Variants in PRUNE2 observed in about 807,000 individuals in gnomAD.
The protein encoded by PRUNE2 is protein prune homolog 2.
A neutral mutation model predicts 252.0 loss-of-function variants in PRUNE2; 164 were observed. That is an observed-to-expected ratio of 0.65 (90% CI 0.57 to 0.74). PRUNE2 has a LOEUF of 0.74. Ranked by LOEUF, PRUNE2 falls within the 30% of genes least tolerant of loss-of-function variation. PRUNE2 has a pLI of 0.00. For synonymous variants in PRUNE2, 1,292 were observed against 1,350.2 expected, an observed-to-expected ratio of 0.96 and a Z score of 0.94; for missense variants, 3,495 against 3,711.0, an observed-to-expected ratio of 0.94 and a Z score of 1.51.
chr9:76,836,197 C>A (rs1245358159), intron 4 of PRUNE2, among the ~76,000 whole-genome samples: 1 of 151,518 alleles, frequency 6.6e-6, no homozygotes, highest in Non-Finnish European at 1.5e-5. Flanking sequence ...AGTCCTCTAG[C>A]ACACATCTCT....
In PRUNE2 at chr9:76,652,547, A is replaced by G; in HGVS notation, c.8493T>C (p.Ile2831=). The change falls in exon 11 of 19, where the codon ATT becomes ATC. Residue 2831 remains isoleucine, a synonymous_variant. Transcript: ENST00000376718. ...SDDNLDSPDE[I]DINVDELDTP... ...TATCAAGTTCATCCACATTGATGTC[A>G]ATTTCATCTGGACTGTCCAAGTTAT... is the stretch of plus-strand genomic sequence containing the variant. 6.2e-7 allele frequency: 1 copy of G among 1,613,502 alleles called. No homozygotes were observed. Among genetic ancestry groups the G allele is most frequent in the Non-Finnish European group, 8.5e-7 (1 of 1,179,490 alleles).
rs1472458607 is a variant in PRUNE2 at position 76,708,832 on chromosome 9, G to C, written c.3442C>G (p.Pro1148Ala). 1.2e-6 allele frequency: 2 copies of C among 1,613,850 alleles called. No homozygotes were observed. The highest frequency in any genetic ancestry group is 2.2e-5 in the South Asian group (2 of 91,072). The change falls in exon 8 of 19, where the codon CCC becomes GCC. Residue 1148 changes from proline (P) to alanine (A), a missense_variant. By Grantham distance (27) the Pro-to-Ala change is conservative. Coordinates refer to ENST00000376718, the MANE Select transcript of PRUNE2 (RefSeq NM_015225.3). ...TATCCTTCTGTTTGACCATCACTGGGGATTGCCGCACCCCCACTGCAGTCA... is the reference window on the plus strand; with the variant it reads ...TATCCTTCTGTTTGACCATCACTGGCGATTGCCGCACCCCCACTGCAGTCA... ...WDDCSGGAAI[P>A]SDGQTEGYMA...
At position 76,703,670 on chromosome 9, in the gene PRUNE2, G is replaced by A; in HGVS notation, c.7943C>T (p.Ala2648Val). ...HSEVGDPSLDARDSGPGWSGK... is the reference protein window; with the variant it reads ...HSEVGDPSLDVRDSGPGWSGK... ...AGACCACCCAGGCCCTGAGTCCCTG[G>A]CATCCAGTGATGGATCACCAACCTC... is the stretch of plus-strand genomic sequence containing the variant. The change falls in exon 9 of 19, where the codon GCC becomes GTC. Residue 2648 changes from alanine (A) to valine (V), a missense_variant. Ala to Val is a moderately conservative substitution (Grantham distance 64). Coordinates refer to ENST00000376718, the MANE Select transcript of PRUNE2 (RefSeq NM_015225.3). 1.9e-6 allele frequency: 3 copies of A among 1,612,662 alleles called. No homozygotes were observed. Among genetic ancestry groups the A allele is most frequent in the Non-Finnish European group, 2.5e-6 (3 of 1,179,826 alleles).
chr9:76,708,410 T>C lies in PRUNE2; in HGVS notation c.3864A>G (p.Thr1288=), dbSNP rs1429717924. 2 of 1,613,918 alleles carry C rather than the reference T, an allele frequency of 1.2e-6. No individual in the cohort carries two copies. Among genetic ancestry groups the C allele is most frequent in the East Asian group, 2.2e-5 (1 of 44,848 alleles). ...CATCACTTTGCAGGGTTTCCCTCTC[T>C]GTGTCCTGCTTGTCAAGATGAGATA... ...ALISHLDKQD[T]ERETLQSDAA... Residue 1288 remains threonine, a synonymous_variant, in exon 8 of 19, where the codon ACA becomes ACG. Coordinates refer to ENST00000376718, the MANE Select transcript of PRUNE2 (RefSeq NM_015225.3).
chr9:76,700,260 C>G (rs1447329183), intron 9 of PRUNE2: 1 of 152,180 alleles, frequency 6.6e-6, no homozygotes, highest in Non-Finnish European at 1.5e-5. Flanking sequence ...TGATTTGCAG[C>G]TGGTGAGTCA....
chr9:76,738,694 G>A (rs2049298505), intron 6 of PRUNE2: 1 of 152,172 alleles, frequency 6.6e-6, no homozygotes, highest in Non-Finnish European at 1.5e-5. Flanking sequence ...GAAGATGGCG[G>A]GTTCCTAAAA....
chr9:76,785,272 C>T (rs1291427981), intron 6 of PRUNE2: 2 of 152,182 alleles, frequency 1.3e-5, no homozygotes, highest in African/African-American at 4.8e-5. Context: ...GACTATCTTA[C>T]TTCATGCAAA....
chr9:76,776,893 TACACAC>T (rs541232508), intron 6 of PRUNE2, among the ~76,000 whole-genome samples: 2,574 of 115,638 alleles, frequency 0.022, 40 homozygotes, highest in African/African-American at 0.033. Context: ...CCAAAACACA[TACACAC>T]ACACACACAC....
At chr9:76,807,043 T>TGC (rs2056998389) in intron 6 of PRUNE2, among the ~76,000 whole-genome samples, 1 of 147,720 alleles carries the variant, frequency 6.8e-6, no homozygotes, top group Non-Finnish European at 1.5e-5. Flanking sequence ...TGTGTGTGTG[T>TGC]GTGTGTGTGC....
Position 76,705,170 on chromosome 9 carries a change from C to T in PRUNE2, c.7104G>A (p.Glu2368=), listed in dbSNP as rs772079069. ...GQNIDEDLLR[E]PEHFLYGGDP... ...CACCACCATACAGGAAGTGTTCAGG[C>T]TCTCTCAGTAAATCTTCATCGATAT... The change falls in exon 8 of 19, where the codon GAG becomes GAA. Residue 2368 remains glutamate (E), a synonymous_variant. Coordinates refer to ENST00000376718, the MANE Select transcript of PRUNE2 (RefSeq NM_015225.3). The T allele has an allele frequency of 3.3e-5, 53 of 1,613,904 alleles. 2 individuals are homozygous for T. In the Middle Eastern group the frequency reaches 1.3e-3, roughly 40 times the overall value.
At chr9:76,822,539 G>A (rs957559427) in intron 6 of PRUNE2, among the ~76,000 whole-genome samples, 1 of 152,208 alleles carries the variant, frequency 6.6e-6, no homozygotes, top group East Asian at 1.9e-4. Context: ...CGGGTGTGGT[G>A]GCTCACGCCA....
At chr9:76,691,557 G>T (rs1310572728) in intron 9 of PRUNE2, among the ~76,000 whole-genome samples, 1 of 152,016 alleles carries the variant, frequency 6.6e-6, no homozygotes, top group African/African-American at 2.4e-5. Flanking sequence ...TTAAAACTCA[G>T]GTAAGACTTA....
intron 1 of PRUNE2, among the ~76,000 whole-genome samples, chr9:76,895,428 G>A (rs1003685093): frequency 2.6e-5 from 4 of 152,066 alleles, no homozygotes. Context: ...AAACCATGAC[G>A]TTTCACATAT....
intron 3 of PRUNE2, among the ~76,000 whole-genome samples, chr9:76,849,233 T>A (rs1198616407): frequency 6.6e-6 from 1 of 152,134 alleles, no homozygotes; most frequent in East Asian, 1.9e-4. Flanking sequence ...TTTGGACAAG[T>A]CGTTTGTGAC....
At chr9:76,729,867 A>C (rs1160829598) in intron 6 of PRUNE2, among the ~76,000 whole-genome samples, 1 of 152,128 alleles carries the variant, frequency 6.6e-6, no homozygotes, top group East Asian at 1.9e-4. Flanking sequence ...CAATTTCCTT[A>C]ATGTGGAATA....
intron 6 of PRUNE2, among the ~76,000 whole-genome samples, chr9:76,760,402 C>T (rs1340618592): frequency 1.3e-5 from 2 of 152,174 alleles, no homozygotes; most frequent in Non-Finnish European, 1.5e-5. Flanking sequence ...CCCTTGATAT[C>T]ACTGCTCCCC....
intron 6 of PRUNE2, among the ~76,000 whole-genome samples, chr9:76,730,590 G>A (rs1158728967): frequency 6.6e-6 from 1 of 152,070 alleles, no homozygotes; most frequent in South Asian, 2.1e-4. Context: ...AAAAGGAGAG[G>A]TTCTACCCCT....
At chr9:76,745,346 T>C (rs1271966167) in intron 6 of PRUNE2, among the ~76,000 whole-genome samples, 1 of 152,146 alleles carries the variant, frequency 6.6e-6, no homozygotes, top group Non-Finnish European at 1.5e-5. Flanking sequence ...ACATAAACAA[T>C]TGCCAACCCT....
intron 11 of PRUNE2, among the ~76,000 whole-genome samples, chr9:76,651,791 C>T (rs1181195712): frequency 1.3e-5 from 2 of 152,170 alleles, no homozygotes; most frequent in African/African-American, 4.8e-5. Context: ...CCTTCCTTCC[C>T]ACTTTATTGG....
Sources: allele counts gnomAD v4.1 joint callset (sites outside exome capture counted in the v4.1 genomes callset), GRCh38; gene constraint gnomAD v4.1.1; transcripts MANE v1.5; gene names NCBI Gene and HGNC (gene_info 2026-07-23, HGNC 2026-07-21).